SDK1: variants seen among roughly 807,000 people sequenced by gnomAD.
The protein encoded by SDK1 is protein sidekick-1.
Under a neutral mutation model 245.5 loss-of-function variants are expected in SDK1, and 157 were observed. The ratio of observed to expected loss-of-function variants is 0.64; its 90% confidence interval spans 0.56 to 0.73. The LOEUF is 0.73. SDK1 is among the 30% of genes least tolerant of loss of function. The pLI is 0.00. For missense variants in SDK1, 3,583 were observed against 3,002.3 expected, an observed-to-expected ratio of 1.19 and a Z score of -4.52; for synonymous variants, 1,647 against 1,278.5, an observed-to-expected ratio of 1.29 and a Z score of -6.15.
At chr7:4,057,759 C>T (rs796414983) in intron 19 of SDK1, among the ~76,000 whole-genome samples, 1 of 152,238 alleles carries the variant, frequency 6.6e-6, no homozygotes, top group Non-Finnish European at 1.5e-5. Context: ...CTAACAACCA[C>T]ACCCTAAGCC....
At chr7:3,699,924 A>G (rs1439311021) in intron 4 of SDK1, among the ~76,000 whole-genome samples, 2 of 152,238 alleles carry the variant, frequency 1.3e-5, no homozygotes, top group East Asian at 1.9e-4. Flanking sequence ...AGAACTAAGG[A>G]CAAAGAAAAA....
intron 42 of SDK1, among the ~76,000 whole-genome samples, chr7:4,238,997 T>A (rs1786360061): frequency 6.6e-6 from 1 of 152,194 alleles, no homozygotes; most frequent in South Asian, 2.1e-4. Context: ...AGCATCTCCA[T>A]GGCATAGCTC....
intron 2 of SDK1, among the ~76,000 whole-genome samples, chr7:3,632,695 A>C (rs1328094614): frequency 1.3e-5 from 2 of 152,190 alleles, no homozygotes; most frequent in Non-Finnish European, 2.9e-5. Context: ...GTTTAATTTA[A>C]CTTCATATTG....
chr7:3,864,398 C>T (rs147191649), intron 5 of SDK1, among the ~76,000 whole-genome samples: 179 of 152,270 alleles, frequency 1.2e-3, no homozygotes, highest in African/African-American at 4.2e-3. Context: ...TTGTTGTGGG[C>T]AGAGATTCAG....
chr7:3,818,596 G>C (rs764023615), intron 4 of SDK1, among the ~76,000 whole-genome samples: 1 of 152,182 alleles, frequency 6.6e-6, no homozygotes, highest in Non-Finnish European at 1.5e-5. Context: ...CATCGCATGT[G>C]CTGTTGTGAA....
chr7:3,480,214 G>T (rs766436832), intron 1 of SDK1, among the ~76,000 whole-genome samples: 1 of 152,216 alleles, frequency 6.6e-6, no homozygotes, highest in African/African-American at 2.4e-5. Context: ...GGTGTGACAT[G>T]AGAAGGATTC....
intron 1 of SDK1, among the ~76,000 whole-genome samples, chr7:3,530,196 C>T (rs766041509): frequency 5.9e-5 from 9 of 152,120 alleles, no homozygotes; most frequent in Non-Finnish European, 1.2e-4. Flanking sequence ...TATTTGCACA[C>T]ATTTTAAAAT....
At chr7:3,848,937 C>G (rs998642417) in intron 5 of SDK1, among the ~76,000 whole-genome samples, 1 of 152,176 alleles carries the variant, frequency 6.6e-6, no homozygotes, top group Admixed American at 6.5e-5. Flanking sequence ...CCCAAAGTGC[C>G]GGGATTACAG....
chr7:3,318,157 G>A (rs761083081), intron 1 of SDK1, among the ~76,000 whole-genome samples: 1 of 152,108 alleles, frequency 6.6e-6, no homozygotes, highest in Admixed American at 6.5e-5. Context: ...CGCATTTTTC[G>A]CCTATATTGT....
intron 1 of SDK1, among the ~76,000 whole-genome samples, chr7:3,370,302 G>C (rs1781189972): frequency 6.6e-6 from 1 of 152,192 alleles, no homozygotes; most frequent in South Asian, 2.1e-4. Flanking sequence ...CTTCAGTACA[G>C]GGTGTACCAA....
At chr7:3,618,181 A>G (rs2128644412) in intron 1 of SDK1, among the ~76,000 whole-genome samples, 1 of 152,328 alleles carries the variant, frequency 6.6e-6, no homozygotes, top group South Asian at 2.1e-4. Context: ...AGATCTACAA[A>G]ACATTGACAA....
At chr7:3,617,147 T>A (rs1444350735) in intron 1 of SDK1, among the ~76,000 whole-genome samples, 1 of 152,164 alleles carries the variant, frequency 6.6e-6, no homozygotes, top group East Asian at 1.9e-4. Context: ...GGTTAATATA[T>A]ATATAAGGCA....
rs116513301 is a variant in SDK1, at chr7:3,918,333, C to G, written c.848-32590C>G. Among the ~76,000 whole-genome samples, 1,502 of 152,282 alleles carry G rather than the reference C, an allele frequency of 9.9e-3. 18 individuals are homozygous for G. Among genetic ancestry groups the G allele is most frequent in the South Asian group, 0.039 (187 of 4,826 alleles). On this transcript the variant is annotated intron_variant, in intron 5 of 44. Transcript: ENST00000404826. Reference sequence around the variant, plus strand: ...CATGTGTATTTACAGCTGCTCCCATCGCTGGCATTACCACCAGAGCTCCGC... The same window carrying G: ...CATGTGTATTTACAGCTGCTCCCATGGCTGGCATTACCACCAGAGCTCCGC...
At chr7:4,212,555 A>G (rs76091058) in intron 38 of SDK1, among the ~76,000 whole-genome samples, 5,282 of 152,354 alleles carry the variant, frequency 0.035, 136 homozygotes, top group South Asian at 0.066. Flanking sequence ...AGGGGCGGCC[A>G]GGATCTGTTG....
intron 1 of SDK1, among the ~76,000 whole-genome samples, chr7:3,568,384 G>C (rs1044075540): frequency 6.6e-6 from 1 of 151,978 alleles, no homozygotes; most frequent in African/African-American, 2.4e-5. Context: ...TATTACCATA[G>C]TAATCACTGT....
intron 1 of SDK1, among the ~76,000 whole-genome samples, chr7:3,581,264 C>G (rs922503335): frequency 6.6e-6 from 1 of 151,964 alleles, no homozygotes; most frequent in South Asian, 2.1e-4. Flanking sequence ...ACAAAAAAAA[C>G]CTATTAATCG....
At position 4,114,017 on chromosome 7, in the gene SDK1, G is replaced by C. The variant is rs530403627; in HGVS notation, c.3586-20G>C. ...CAGTTCTGAGATGTCAGCTCATCGC[G>C]ACTCCTCGTTCCTTCCTAGCCCCTG... On this transcript the variant is annotated intron_variant, in intron 24 of 44. Coordinates refer to ENST00000404826, the MANE Select transcript of SDK1 (RefSeq NM_152744.4). 2 of 1,606,410 alleles carry C rather than the reference G, an allele frequency of 1.2e-6. No homozygotes were observed. Among genetic ancestry groups the C allele is most frequent in the African/African-American group, 2.7e-5 (2 of 74,756 alleles).
intron 1 of SDK1, among the ~76,000 whole-genome samples, chr7:3,549,458 A>G (rs547735068): frequency 2.6e-4 from 40 of 152,148 alleles, no homozygotes; most frequent in Non-Finnish European, 1.2e-4. Context: ...CTAAATATCC[A>G]TGTGCCAAAG....
chr7:3,401,870 AT>A (rs1290663432), intron 1 of SDK1, among the ~76,000 whole-genome samples: 1 of 152,138 alleles, frequency 6.6e-6, no homozygotes, highest in African/African-American at 2.4e-5. Context: ...TGTTATCACT[AT>A]TTAACTATCT....
Sources: gnomAD v4.1 joint callset for allele counts (sites outside exome capture counted in the v4.1 genomes callset) on GRCh38, gnomAD v4.1.1 for gene constraint, MANE v1.5 for transcripts, NCBI Gene and HGNC (gene_info 2026-07-23, HGNC 2026-07-21) for gene names.